Variants in TMEM135 observed in about 807,000 individuals in gnomAD.
TMEM135 encodes peroxisomal membrane protein 52.
A neutral mutation model predicts 60.3 loss-of-function variants in TMEM135; 30 were observed. The ratio of observed to expected loss-of-function variants is 0.50; its 90% CI spans 0.37 to 0.68. TMEM135 has a LOEUF of 0.68. Among genes scored for constraint, TMEM135 ranks in the 30% least tolerant of loss-of-function variants. The probability of loss-of-function intolerance (pLI) is 0.00; values close to 1 mark genes in which losing one functional copy is unlikely to be tolerated. For synonymous variants in TMEM135, 190 were observed against 186.7 expected (o/e 1.02, Z -0.14); for missense variants, 468 against 548.8 (o/e 0.85, Z 1.47).
At position 87,309,608 on chromosome 11, in the gene TMEM135, T is replaced by C. The variant is rs1942608286; in HGVS notation, c.872T>C (p.Leu291Pro). ...LFTQPSRLLS[L>P]FYNKENFQLG... ...ACACAGCCATCTCGGCTACTTTCTC[T>C]CTTCTACAATAAAGAAAACTTCCAG... Residue 291 changes from leucine to proline, a missense_variant, in exon 10 of 15, where the codon CTC (leucine) becomes CCC (proline). Coordinates refer to ENST00000305494, the MANE Select transcript of TMEM135 (RefSeq NM_022918.4). 2.5e-6 allele frequency: 4 copies of C among 1,613,898 alleles called. No homozygotes were observed. The East Asian group carries it at 8.9e-5, about 36-fold the overall frequency.
chr11:87,247,427 CT>C (rs1941308191), intron 6 of TMEM135, among the ~76,000 whole-genome samples: 1 of 152,204 alleles, frequency 6.6e-6, no homozygotes, highest in Non-Finnish European at 1.5e-5. Context: ...TTACTGCTGT[CT>C]TTTTGTTTGT....
intron 4 of TMEM135, among the ~76,000 whole-genome samples, chr11:87,144,865 A>C (rs909603140): frequency 6.6e-5 from 10 of 152,110 alleles, no homozygotes; most frequent in Admixed American, 4.6e-4. Context: ...ATTGGGAACA[A>C]AGCAATGTTA....
At chr11:87,186,712 T>C (rs1251317568) in intron 5 of TMEM135, among the ~76,000 whole-genome samples, 1 of 152,192 alleles carries the variant, frequency 6.6e-6, no homozygotes, top group Admixed American at 6.5e-5. Context: ...TTATCTCCAC[T>C]TAATAGTAGG....
Position 87,204,711 on chromosome 11 carries a change from A to G in TMEM135, c.463-31927A>G, listed in dbSNP as rs984673282. ...TCATAAGTGGAAGTGGATCATCATA[A>G]AGATCTTTTTTCTCATCATCTTTAC... On this transcript the variant is annotated intron_variant, in intron 5 of 14. Transcript: ENST00000305494. Among the ~76,000 whole-genome samples, 5 of 152,158 alleles carry G rather than the reference A, an allele frequency of 3.3e-5. No individual in the cohort carries two copies. In the South Asian group the frequency reaches 1.0e-3, roughly 32 times the overall value.
intron 4 of TMEM135, among the ~76,000 whole-genome samples, chr11:87,140,716 A>C (rs923989594): frequency 2.0e-5 from 3 of 152,214 alleles, no homozygotes; most frequent in African/African-American, 7.2e-5. Flanking sequence ...TCAAGATCAT[A>C]AATGTTTTCT....
At chr11:87,305,722 T>C (rs993767644) in intron 8 of TMEM135, among the ~76,000 whole-genome samples, 10 of 152,040 alleles carry the variant, frequency 6.6e-5, no homozygotes, top group African/African-American at 2.4e-4. Flanking sequence ...TGCAGTGAGT[T>C]GAGATCACGC....
intron 4 of TMEM135, among the ~76,000 whole-genome samples, chr11:87,099,577 C>G (rs1353336587): frequency 6.6e-6 from 1 of 151,614 alleles, no homozygotes; most frequent in Non-Finnish European, 1.5e-5. Context: ...ATGAACAAAG[C>G]TGCTATAAAT....
chr11:87,172,868 TTAAA>T (rs1215227029), intron 5 of TMEM135, among the ~76,000 whole-genome samples: 3 of 151,882 alleles, frequency 2.0e-5, no homozygotes, highest in Non-Finnish European at 4.4e-5. Flanking sequence ...AATTAAATAA[TTAAA>T]TAATATTTAA....
intron 6 of TMEM135, among the ~76,000 whole-genome samples, chr11:87,292,890 T>C (rs187808639): frequency 5.9e-5 from 9 of 152,312 alleles, no homozygotes; most frequent in African/African-American, 2.2e-4. Flanking sequence ...AAAGCTACTT[T>C]TTGATGTTTT....
At chr11:87,190,561 G>C (rs1045540512) in intron 5 of TMEM135, among the ~76,000 whole-genome samples, 1 of 151,928 alleles carries the variant, frequency 6.6e-6, no homozygotes, top group African/African-American at 2.4e-5. Context: ...GTGAGACAAA[G>C]TTGCCTTAAA....
intron 5 of TMEM135, among the ~76,000 whole-genome samples, chr11:87,194,263 C>T (rs1382588475): frequency 1.3e-5 from 2 of 152,150 alleles, no homozygotes; most frequent in East Asian, 3.8e-4. Context: ...TGCACGTATT[C>T]TTAAAATCAA....
intron 5 of TMEM135, among the ~76,000 whole-genome samples, chr11:87,189,687 A>G (rs1939750056): frequency 6.6e-6 from 1 of 151,374 alleles, no homozygotes; most frequent in Non-Finnish European, 1.5e-5. Context: ...GGGAGACCAA[A>G]GAGGGAGGAT....
intron 8 of TMEM135, among the ~76,000 whole-genome samples, chr11:87,304,749 T>C (rs2135442591): frequency 6.6e-6 from 1 of 152,334 alleles, no homozygotes; most frequent in East Asian, 1.9e-4. Flanking sequence ...CTGCAAGTTA[T>C]TGTTATAAAC....
At chr11:87,314,575 T>G in intron 12 of TMEM135, 28 bp downstream of exon 12, 1 of 1,575,958 alleles carries the variant, frequency 6.3e-7, no homozygotes, top group Non-Finnish European at 8.7e-7. Flanking sequence ...GCAAGAATAG[T>G]TCCAAAGAAC....
rs1162681005 is a variant in TMEM135, at chr11:87,324,727, A to G, written c.*3394A>G. ...ATTCCAGGTGTGAGCCACGGTACCT[A>G]GCCATATTTTTATTTGTATGAGTAT... On this transcript the variant is annotated 3_prime_UTR_variant, in exon 15 of 15. Transcript: ENST00000305494. 9 of 453,702 alleles carry G rather than the reference A, an allele frequency of 2.0e-5. No individual in the cohort carries two copies. The East Asian group carries it at 6.3e-4, about 32-fold the overall frequency. The allele number at this position is 453,702 out of a possible 1,614,324, so 28.1% of individuals were successfully genotyped here.
At chr11:87,188,499 C>G (rs1160109576) in intron 5 of TMEM135, among the ~76,000 whole-genome samples, 1 of 148,606 alleles carries the variant, frequency 6.7e-6, no homozygotes, top group Non-Finnish European at 1.5e-5. Flanking sequence ...GTTAGGAGTT[C>G]GAGACCAGCC....
intron 12 of TMEM135, among the ~76,000 whole-genome samples, chr11:87,315,428 A>G (rs1391816092): frequency 6.6e-6 from 1 of 151,914 alleles, no homozygotes. Flanking sequence ...GCATCATCAC[A>G]TGACGAGGCA....
At chr11:87,071,965 T>C (rs1405930734) in intron 3 of TMEM135, among the ~76,000 whole-genome samples, 1 of 152,004 alleles carries the variant, frequency 6.6e-6, no homozygotes, top group Non-Finnish European at 1.5e-5. Context: ...GGCGGGTGGC[T>C]CACTTGAGCC....
chr11:87,311,695 G>A (rs1006881506), intron 10 of TMEM135, among the ~76,000 whole-genome samples: 2 of 151,952 alleles, frequency 1.3e-5, no homozygotes, highest in African/African-American at 4.8e-5. Flanking sequence ...TATTCACGTG[G>A]TGTGTTCAAA....
Sources: allele counts gnomAD v4.1 joint callset (sites outside exome capture counted in the v4.1 genomes callset), GRCh38; gene constraint gnomAD v4.1.1; transcripts MANE v1.5; gene names NCBI Gene and HGNC (gene_info 2026-07-23, HGNC 2026-07-21).